Variants in CCDC73 observed in about 807,000 individuals in gnomAD.
CCDC73 encodes coiled-coil domain-containing protein 73.
Under a neutral mutation model 116.5 loss-of-function variants are expected in CCDC73, and 95 were observed. That is an observed-to-expected ratio of 0.82 (90% CI 0.69 to 0.97). The LOEUF is 0.97. CCDC73 is among the 50% of genes least tolerant of loss of function. The pLI, the probability that CCDC73 is intolerant of heterozygous loss-of-function variation, is 0.00. For synonymous variants in CCDC73, 398 were observed against 401.3 expected, an observed-to-expected ratio of 0.99 and a Z score of 0.10; for missense variants, 1,066 against 1,206.8, an observed-to-expected ratio of 0.88 and a Z score of 1.73.
chr11:32,629,923 AAAAAAAAAAAAC>A (rs1855614880), intron 14 of CCDC73, among the ~76,000 whole-genome samples: 1 of 148,888 alleles, frequency 6.7e-6, no homozygotes. Flanking sequence ...CAGATATGCA[AAAAAAAAAAAAC>A]AAAAAAAAAA....
intron 1 of CCDC73, among the ~76,000 whole-genome samples, chr11:32,790,146 AG>A (rs1281947108): frequency 6.6e-6 from 1 of 152,192 alleles, no homozygotes; most frequent in Non-Finnish European, 1.5e-5. Context: ...GGCAAGTCTT[AG>A]GGGGTCTTTT....
intron 9 of CCDC73, among the ~76,000 whole-genome samples, chr11:32,670,190 C>T (rs1031540724): frequency 6.6e-6 from 1 of 152,062 alleles, no homozygotes; most frequent in African/African-American, 2.4e-5. Context: ...GCAATATACC[C>T]CTGGATGAAA....
rs10835962 is a variant in CCDC73 at position 32,732,995 on chromosome 11, A to C, written c.136-14848T>G. Among the ~76,000 whole-genome samples, 542 of 152,018 alleles carry C rather than the reference A, an allele frequency of 3.6e-3. 6 individuals carry two copies. Among genetic ancestry groups the C allele is most frequent in the African/African-American group, 0.013 (520 of 41,476 alleles). ...TGGCAAATTGGATAAAGAGTCAAGA[A>C]CCATCAGCTTGCTGTATTCAGGAGA... On this transcript the variant is annotated intron_variant, in intron 2 of 17. Coordinates refer to ENST00000335185, the MANE Select transcript of CCDC73 (RefSeq NM_001008391.4).
chr11:32,632,155 A>G (rs1179872066), intron 14 of CCDC73, among the ~76,000 whole-genome samples: 2 of 152,170 alleles, frequency 1.3e-5, no homozygotes, highest in African/African-American at 2.4e-5. Context: ...TATATTGCCT[A>G]TCTTGGTGAA....
chr11:32,618,680 G>A (rs1237139890), intron 14 of CCDC73, among the ~76,000 whole-genome samples: 2 of 152,120 alleles, frequency 1.3e-5, no homozygotes, highest in Non-Finnish European at 2.9e-5. Flanking sequence ...AGCCTCCCAA[G>A]CAGTTGGGAG....
intron 2 of CCDC73, among the ~76,000 whole-genome samples, chr11:32,748,230 T>A (rs1439976643): frequency 1.3e-5 from 2 of 148,808 alleles, no homozygotes; most frequent in African/African-American, 5.0e-5. Context: ...CTGTCTTTCT[T>A]TCAATGAAGG....
At chr11:32,629,237 A>C (rs1329923723) in intron 14 of CCDC73, among the ~76,000 whole-genome samples, 1 of 152,152 alleles carries the variant, frequency 6.6e-6, no homozygotes, top group Non-Finnish European at 1.5e-5. Flanking sequence ...GGACAGAAAA[A>C]AAAATTGAAG....
intron 12 of CCDC73, among the ~76,000 whole-genome samples, chr11:32,648,571 G>A (rs1444878001): frequency 6.8e-6 from 1 of 147,948 alleles, no homozygotes; most frequent in Non-Finnish European, 1.5e-5. Context: ...TTTTTTTTGA[G>A]ACGGAGTTTC....
At chr11:32,604,691 A>G (rs1855322680) in intron 17 of CCDC73, 1 of 152,210 alleles carries the variant, frequency 6.6e-6, no homozygotes, top group Non-Finnish European at 1.5e-5. Context: ...ATTGTAAGAA[A>G]ATGGTCACTG....
chr11:32,734,733 C>T (rs1394165807), intron 2 of CCDC73, among the ~76,000 whole-genome samples: 1 of 152,144 alleles, frequency 6.6e-6, no homozygotes, highest in Non-Finnish European at 1.5e-5. Flanking sequence ...GAATTTTAGA[C>T]CAATACTCCT....
the CCDC73 span, among the ~76,000 whole-genome samples, chr11:32,825,064 A>G: frequency 0.1 from 15,641 of 152,228 alleles, 853 homozygotes; most frequent in Non-Finnish European, 0.13. Context: ...CAGCCTGGGC[A>G]ATAGAGTGAG....
chr11:32,824,986 G>C, the CCDC73 span, among the ~76,000 whole-genome samples: 1 of 152,198 alleles, frequency 6.6e-6, no homozygotes, highest in Admixed American at 6.5e-5. Context: ...TCTGAAGGCT[G>C]AGGCAGAAGG....
the CCDC73 span, among the ~76,000 whole-genome samples, chr11:32,807,380 A>G: frequency 2.0e-5 from 3 of 152,212 alleles, no homozygotes; most frequent in Non-Finnish European, 4.4e-5. Flanking sequence ...ACCCATGGAA[A>G]ACATTCTGAA....
Position 32,733,494 on chromosome 11 carries a change from T to C in CCDC73, c.136-15347A>G, listed in dbSNP as rs370382224. On this transcript the variant is annotated intron_variant, in intron 2 of 17. Transcript: ENST00000335185. ...CTTCTCAGCACCACATCACACTTAT[T>C]CCAAAATTGACCACATAGTTGGAAG... Among the ~76,000 whole-genome samples, 80 of 152,258 alleles carry C rather than the reference T, an allele frequency of 5.3e-4. 1 individual carries two copies. In the East Asian group the frequency reaches 0.013, roughly 25 times the overall value.
At chr11:32,721,596 CT>C (rs751028003) in intron 2 of CCDC73, among the ~76,000 whole-genome samples, 449 of 140,878 alleles carry the variant, frequency 3.2e-3, no homozygotes, top group African/African-American at 5.9e-3. Flanking sequence ...CTATGACTCA[CT>C]TTTTTTTTTT....
At chr11:32,676,903 A>G (rs768776983) in intron 7 of CCDC73, among the ~76,000 whole-genome samples, 1 of 152,198 alleles carries the variant, frequency 6.6e-6, no homozygotes, top group Non-Finnish European at 1.5e-5. Flanking sequence ...CCTTACTTAT[A>G]TAATATTATA....
chr11:32,680,101 T>C (rs1856129889), intron 7 of CCDC73: 1 of 152,232 alleles, frequency 6.6e-6, no homozygotes, highest in Non-Finnish European at 1.5e-5. Flanking sequence ...CGTAGTTTAC[T>C]ACCCTGATTT....
the CCDC73 span, among the ~76,000 whole-genome samples, chr11:32,803,910 G>T: frequency 3.9e-5 from 6 of 152,090 alleles, no homozygotes; most frequent in East Asian, 1.2e-3. Context: ...AGGTTCAAGC[G>T]ATTCTTCTGC....
chr11:32,799,341 C>T (rs971105317), upstream of CCDC73, among the ~76,000 whole-genome samples: 2 of 152,052 alleles, frequency 1.3e-5, no homozygotes, highest in Non-Finnish European at 2.9e-5. Flanking sequence ...ATCTGCCCAC[C>T]TCACCCTCCC....
Sources: gnomAD v4.1 joint callset for allele counts (sites outside exome capture counted in the v4.1 genomes callset) on GRCh38, gnomAD v4.1.1 for gene constraint, MANE v1.5 for transcripts, NCBI Gene and HGNC (gene_info 2026-07-23, HGNC 2026-07-21) for gene names.